C3orf33: variants seen among roughly 807,000 people sequenced by gnomAD.
The protein encoded by C3orf33 is AP-1 activity suppressor.
In C3orf33, 23 loss-of-function variants were observed where a neutral mutation model predicts 28.7. The ratio of observed to expected loss-of-function variants is 0.80; its 90% CI spans 0.58 to 1.13. C3orf33 has a LOEUF of 1.13. Among genes scored for constraint, C3orf33 ranks in the 50% most tolerant of loss-of-function variants. C3orf33 has a pLI of 0.00. For missense variants in C3orf33, 327 were observed against 353.4 expected (o/e 0.93, Z 0.60); for synonymous variants, 119 against 120.5 (o/e 0.99, Z 0.08).
intron 1 of C3orf33, among the ~76,000 whole-genome samples, chr3:155,803,652 G>A (rs537188287): frequency 1.3e-4 from 19 of 151,614 alleles, no homozygotes; most frequent in East Asian, 7.8e-4. Flanking sequence ...AGGCCGAGGC[G>A]GGTGGATCAC....
intron 2 of C3orf33, among the ~76,000 whole-genome samples, chr3:155,787,559 C>A (rs1488914061): frequency 6.6e-6 from 1 of 151,908 alleles, no homozygotes; most frequent in East Asian, 1.9e-4. Flanking sequence ...ACTGTGTTGC[C>A]CAGGCTGGTC....
In C3orf33 at chr3:155,763,434, T is replaced by G. The variant is rs1750295463; in HGVS notation, c.*83A>C. ...AACACTTTGATCATTTGGCAAAACT[T>G]CCATTTTGATTCAATGAAAAACGTC... On this transcript the variant is annotated 3_prime_UTR_variant, in exon 5 of 5. Coordinates refer to ENST00000340171, the MANE Select transcript of C3orf33 (RefSeq NM_001308229.2). The G allele has an allele frequency of 9.3e-7, 1 of 1,070,800 alleles. No homozygotes were observed. The highest frequency in any genetic ancestry group is 1.6e-5 in the African/African-American group (1 of 60,898). 66.3% of individuals were successfully genotyped at this position (1,070,800 alleles called of 1,614,324 possible).
Position 155,769,717 on chromosome 3 carries a change from T to G in C3orf33, c.323-2048A>C, listed in dbSNP as rs953050861. Among the ~76,000 whole-genome samples, 6 of 152,136 alleles carry G rather than the reference T, an allele frequency of 3.9e-5. No individual in the cohort carries two copies. In the South Asian group the frequency reaches 8.3e-4, roughly 21 times the overall value. ...CCACCAATCCTCTTCCAGTAAGACA[T>G]GCTGATAGCAGCAGGAGGCAGTCAA... On this transcript the variant is annotated intron_variant, in intron 3 of 4. Coordinates refer to ENST00000340171, the MANE Select transcript of C3orf33 (RefSeq NM_001308229.2).
chr3:155,773,028 T>G (rs1407260194), intron 3 of C3orf33, among the ~76,000 whole-genome samples: 1 of 152,184 alleles, frequency 6.6e-6, no homozygotes, highest in Non-Finnish European at 1.5e-5. Context: ...GAACCAAACC[T>G]TCTTAGTAAG....
At chr3:155,764,618 C>T (rs1289991851) in intron 4 of C3orf33, among the ~76,000 whole-genome samples, 2 of 151,340 alleles carry the variant, frequency 1.3e-5, no homozygotes, top group Non-Finnish European at 2.9e-5. Context: ...TTTGGGAGGC[C>T]GAGGCGGGCA....
intron 3 of C3orf33, among the ~76,000 whole-genome samples, chr3:155,773,478 C>A (rs113198926): frequency 0.019 from 2,941 of 152,266 alleles, 84 homozygotes; most frequent in African/African-American, 0.067. Context: ...ATTTCATCAT[C>A]ATTAGCTAGA....
In C3orf33 at chr3:155,766,271, G is replaced by A. The variant is rs1227968118; in HGVS notation, c.483+1238C>T. ...ATCTGATGGCCCACCAAAAAAATCT[G>A]GAGTAAGGCACATGCACATCCTGGG... is the stretch of plus-strand genomic sequence containing the variant. On this transcript the variant is annotated intron_variant, in intron 4 of 4. Coordinates refer to ENST00000340171, the MANE Select transcript of C3orf33 (RefSeq NM_001308229.2). Among the ~76,000 whole-genome samples, 6 of 152,304 alleles carry A rather than the reference G, an allele frequency of 3.9e-5. No homozygotes were observed. In the Middle Eastern group the frequency reaches 0.01, roughly 259 times the overall value.
At chr3:155,787,365 T>C (rs1416998990) in intron 2 of C3orf33, among the ~76,000 whole-genome samples, 1 of 109,656 alleles carries the variant, frequency 9.1e-6, no homozygotes, top group Non-Finnish European at 2.0e-5. Flanking sequence ...TTTTTTTTTT[T>C]TGGAGACAGA....
chr3:155,803,196 T>A (rs1560002370), intron 1 of C3orf33, among the ~76,000 whole-genome samples: 1 of 150,210 alleles, frequency 6.7e-6, no homozygotes, highest in East Asian at 1.9e-4. Context: ...TAATGAAAAA[T>A]TAAGAATCCT....
chr3:155,788,316 A>G (rs1451564528), intron 2 of C3orf33, among the ~76,000 whole-genome samples: 1 of 152,204 alleles, frequency 6.6e-6, no homozygotes, highest in Non-Finnish European at 1.5e-5. Flanking sequence ...ACAAAATTCA[A>G]TATTCCTTCA....
chr3:155,775,106 C>T (rs920682147), intron 3 of C3orf33, among the ~76,000 whole-genome samples: 1 of 152,114 alleles, frequency 6.6e-6, no homozygotes, highest in South Asian at 2.1e-4. Context: ...CTTTGTTTTA[C>T]CCAACATTGT....
At chr3:155,787,430 C>A (rs1751155861) in intron 2 of C3orf33, among the ~76,000 whole-genome samples, 1 of 147,650 alleles carries the variant, frequency 6.8e-6, no homozygotes. Flanking sequence ...GCTCACTGTG[C>A]AACCTCTGCC....
intron 2 of C3orf33, among the ~76,000 whole-genome samples, chr3:155,785,721 T>A (rs1751080033): frequency 1.3e-5 from 2 of 152,074 alleles, no homozygotes; most frequent in South Asian, 4.1e-4. Flanking sequence ...TGTGTAACTG[T>A]AAATGCTTAA....
chr3:155,787,058 A>G (rs188083949), intron 2 of C3orf33, among the ~76,000 whole-genome samples: 2 of 152,320 alleles, frequency 1.3e-5, no homozygotes, highest in African/African-American at 4.8e-5. Flanking sequence ...AGAGAAGAGA[A>G]TACTTCCTAA....
intron 2 of C3orf33, among the ~76,000 whole-genome samples, chr3:155,780,448 T>C (rs868011919): frequency 2.6e-5 from 4 of 152,270 alleles, no homozygotes; most frequent in African/African-American, 9.6e-5. Flanking sequence ...TCAACCTTGA[T>C]CAAAAGATTA....
At chr3:155,784,527 G>A (rs1476985230) in intron 2 of C3orf33, among the ~76,000 whole-genome samples, 1 of 151,886 alleles carries the variant, frequency 6.6e-6, no homozygotes, top group Non-Finnish European at 1.5e-5. Context: ...ATCACTTGAG[G>A]CCAGGAGTTC....
At chr3:155,768,150 G>T (rs899240417) in intron 3 of C3orf33, among the ~76,000 whole-genome samples, 2 of 152,146 alleles carry the variant, frequency 1.3e-5, no homozygotes, top group African/African-American at 4.8e-5. Flanking sequence ...AAAGTGCTGG[G>T]ATTACAGGCG....
In C3orf33 at chr3:155,806,122, C is replaced by T; in HGVS notation, c.114+17G>A. The T allele has an allele frequency of 7.1e-7, 1 of 1,402,834 alleles. No individual in the cohort carries two copies. The highest frequency in any genetic ancestry group is 9.4e-7 in the Non-Finnish European group (1 of 1,063,842). 86.9% of individuals were successfully genotyped at this position (1,402,834 alleles called of 1,614,324 possible). A position where few individuals can be genotyped will look rare whatever the true frequency, so the allele number is the denominator to read the frequency against. ...GCCCCGCGCCCACCACCCGCCCAGA[C>T]TGCGTGGCCCCAGTACCCGGACTAG... On this transcript the variant is annotated intron_variant, in intron 1 of 4. Coordinates refer to ENST00000340171, the MANE Select transcript of C3orf33 (RefSeq NM_001308229.2).
At chr3:155,795,434 T>C (rs1197887088) in intron 2 of C3orf33, among the ~76,000 whole-genome samples, 9 of 150,436 alleles carry the variant, frequency 6.0e-5, no homozygotes, top group African/African-American at 2.2e-4. Flanking sequence ...CCAGCCTGGG[T>C]AACAGAGCAA....
Sources: gnomAD v4.1 joint callset for allele counts (sites outside exome capture counted in the v4.1 genomes callset) on GRCh38, gnomAD v4.1.1 for gene constraint, MANE v1.5 for transcripts, NCBI Gene and HGNC (gene_info 2026-07-23, HGNC 2026-07-21) for gene names.